Variants in ATP8B4 observed in about 807,000 individuals in gnomAD.
ATP8B4 encodes the protein ATPase phospholipid transporting 8B4 (putative), also known as probable phospholipid-transporting ATPase IM.
In ATP8B4, 133 loss-of-function variants were observed where a neutral mutation model predicts 145.6. The observed-to-expected ratio is 0.91, with a 90% CI of 0.79 to 1.05. The LOEUF is 1.05. ATP8B4 is among the 50% of genes least tolerant of loss of function. ATP8B4 has a pLI of 0.00. For missense variants in ATP8B4, 1,458 were observed against 1,425.2 expected (o/e 1.02, Z -0.37); for synonymous variants, 507 against 492.9 (o/e 1.03, Z -0.38).
chr15:49,980,951 C>T (rs2046099097), intron 11 of ATP8B4, among the ~76,000 whole-genome samples: 1 of 152,174 alleles, frequency 6.6e-6, no homozygotes, highest in Admixed American at 6.5e-5. Flanking sequence ...AAACAAATCC[C>T]TGGGATATGG....
At chr15:50,158,501 C>G (rs1207346356) in intron 1 of ATP8B4, among the ~76,000 whole-genome samples, 2 of 151,278 alleles carry the variant, frequency 1.3e-5, no homozygotes, top group East Asian at 2.0e-4. Context: ...CGCCTCCGCC[C>G]GGCCAGCCGC....
intron 1 of ATP8B4, among the ~76,000 whole-genome samples, chr15:50,172,922 G>C (rs1444961732): frequency 2.0e-5 from 3 of 150,716 alleles, no homozygotes; most frequent in Admixed American, 6.6e-5. Flanking sequence ...GCCCCGTCCG[G>C]GAAGTGAGGA....
intron 20 of ATP8B4, among the ~76,000 whole-genome samples, chr15:49,912,500 G>A (rs897133917): frequency 6.6e-6 from 1 of 152,064 alleles, no homozygotes; most frequent in Non-Finnish European, 1.5e-5. Flanking sequence ...CATACCAAAA[G>A]CCAATAATGA....
At chr15:50,106,898 TA>T (rs2056709987) in intron 2 of ATP8B4, 40 bp downstream of exon 2, 1 of 1,560,674 alleles carries the variant, frequency 6.4e-7, no homozygotes, top group Admixed American at 2.0e-5. Context: ...ATTATATTTT[TA>T]AAATATCACT....
intron 12 of ATP8B4, among the ~76,000 whole-genome samples, chr15:49,978,785 C>CACACAT (rs779898469): frequency 7.6e-6 from 1 of 131,268 alleles, no homozygotes; most frequent in Non-Finnish European, 1.6e-5. Flanking sequence ...CACACACACA[C>CACACAT]ATGCATACAT....
chr15:49,940,232 C>T (rs1156490914), intron 14 of ATP8B4, among the ~76,000 whole-genome samples: 1 of 152,142 alleles, frequency 6.6e-6, no homozygotes, highest in African/African-American at 2.4e-5. Flanking sequence ...AGAATGAAAT[C>T]ATGCCCTTTG....
At chr15:49,889,823 G>T (rs2036600497) in intron 23 of ATP8B4, among the ~76,000 whole-genome samples, 1 of 152,186 alleles carries the variant, frequency 6.6e-6, no homozygotes, top group South Asian at 2.1e-4. Context: ...AGTCAACATT[G>T]TGTCTTAAAA....
At chr15:50,076,268 C>T (rs190785172) in intron 2 of ATP8B4, among the ~76,000 whole-genome samples, 23 of 152,094 alleles carry the variant, frequency 1.5e-4, no homozygotes, top group East Asian at 1.2e-3. Flanking sequence ...CTGAAGCAGG[C>T]GGATCACAAG....
chr15:50,103,952 G>A (rs1034123811), intron 2 of ATP8B4, among the ~76,000 whole-genome samples: 11 of 151,974 alleles, frequency 7.2e-5, no homozygotes, highest in Non-Finnish European at 1.2e-4. Flanking sequence ...CCTGATCTTC[G>A]ACAAATCAAA....
At chr15:49,912,964 C>T (rs937239318) in intron 20 of ATP8B4, among the ~76,000 whole-genome samples, 1 of 151,832 alleles carries the variant, frequency 6.6e-6, no homozygotes, top group Non-Finnish European at 1.5e-5. Flanking sequence ...TCTCTCTCTA[C>T]AAAAAATACA....
At chr15:50,037,352 A>G (rs2050916245) in intron 6 of ATP8B4, among the ~76,000 whole-genome samples, 1 of 152,222 alleles carries the variant, frequency 6.6e-6, no homozygotes, top group South Asian at 2.1e-4. Flanking sequence ...CAACAGTGCT[A>G]CCCACAACCA....
chr15:49,863,357 C>T (rs2032196411), intron 26 of ATP8B4, among the ~76,000 whole-genome samples: 2 of 152,194 alleles, frequency 1.3e-5, no homozygotes, highest in Admixed American at 6.5e-5. Context: ...AGCCAGTTTC[C>T]TTACTTTTTA....
At chr15:49,957,886 A>T (rs1437249134) in intron 14 of ATP8B4, among the ~76,000 whole-genome samples, 1 of 151,752 alleles carries the variant, frequency 6.6e-6, no homozygotes, top group Non-Finnish European at 1.5e-5. Context: ...TAGAAGACCT[A>T]AAAAAATATA....
chr15:49,894,301 C>G (rs751313027), intron 23 of ATP8B4, among the ~76,000 whole-genome samples: 2 of 152,156 alleles, frequency 1.3e-5, no homozygotes, highest in African/African-American at 2.4e-5. Context: ...GAGTGAAATC[C>G]TTAAATAGTG....
At chr15:50,038,932 G>A in intron 5 of ATP8B4, 103 bp from the exon 6 acceptor site, 2 of 986,960 alleles carry the variant, frequency 2.0e-6, no homozygotes, top group East Asian at 2.5e-5. Flanking sequence ...AAACTGTGTT[G>A]TCACTGGTCT....
At chr15:50,048,420 A>C (rs1242414420) in intron 3 of ATP8B4, among the ~76,000 whole-genome samples, 1 of 152,152 alleles carries the variant, frequency 6.6e-6, no homozygotes, top group Non-Finnish European at 1.5e-5. Context: ...TAAGAAGGGC[A>C]AAGGGGGCCA....
intron 14 of ATP8B4, among the ~76,000 whole-genome samples, chr15:49,948,160 T>C (rs1246076830): frequency 6.6e-6 from 1 of 151,652 alleles, no homozygotes; most frequent in Admixed American, 6.6e-5. Context: ...TGCTCAGGAC[T>C]GGGCGCAATG....
chr15:49,860,641 C>CG (rs2031500551), intron 27 of ATP8B4, among the ~76,000 whole-genome samples, 166 bp from the exon 28 acceptor site: 1 of 152,024 alleles, frequency 6.6e-6, no homozygotes, highest in African/African-American at 2.4e-5. Flanking sequence ...AAAGATAACA[C>CG]TGGGGGGGCA....
Position 50,054,790 on chromosome 15 carries a change from AAAAAAAAAAAAAAAAAAAAC to A in ATP8B4, c.88-7346_88-7327del, listed in dbSNP as rs1490599620. 6.4e-3 allele frequency among the ~76,000 whole-genome samples: 912 copies of A among 143,020 alleles called. 22 individuals are homozygous for A. The highest frequency in any genetic ancestry group is 0.024 in the African/African-American group (873 of 35,768). 93.8% of individuals were successfully genotyped at this position (143,020 alleles called of 152,430 possible). A position where few individuals can be genotyped will look rare whatever the true frequency, so the allele number is the denominator to read the frequency against. ...CAGAGGGAGACTCCGCCTCAAAAAA[AAAAAAAAAAAAAAAAAAAAC>A]AAAAAAAAAAAAACACCAACCTCAG... On this transcript the variant is annotated intron_variant, in intron 3 of 27. Transcript: ENST00000284509.
Sources: gnomAD v4.1 joint callset for allele counts (sites outside exome capture counted in the v4.1 genomes callset) on GRCh38, gnomAD v4.1.1 for gene constraint, MANE v1.5 for transcripts, NCBI Gene and HGNC (gene_info 2026-07-23, HGNC 2026-07-21) for gene names.